ANO1: variants seen among roughly 807,000 people sequenced by gnomAD.
The protein encoded by ANO1 is anoctamin-1.
Under a neutral mutation model 124.0 loss-of-function variants are expected in ANO1, and 59 were observed. That is an observed-to-expected ratio of 0.48 (90% CI 0.39 to 0.59). The LOEUF is 0.59. Ranked by LOEUF, ANO1 falls within the 20% of genes least tolerant of loss-of-function variation. The probability of loss-of-function intolerance (pLI) is 0.00; values close to 1 mark genes in which losing one functional copy is unlikely to be tolerated. For missense variants in ANO1, 1,059 were observed against 1,328.0 expected (o/e 0.80, Z 3.15); for synonymous variants, 529 against 532.0 (o/e 0.99, Z 0.08).
At chr11:69,978,381 C>G in the ANO1 span, among the ~76,000 whole-genome samples, 1 of 152,126 alleles carries the variant, frequency 6.6e-6, no homozygotes, top group African/African-American at 2.4e-5. Flanking sequence ...ACAGGCCTCA[C>G]TCCCGGTAGT....
chr11:70,031,930 G>T (rs1348235191), intron 1 of ANO1, among the ~76,000 whole-genome samples: 1 of 152,124 alleles, frequency 6.6e-6, no homozygotes, highest in African/African-American at 2.4e-5. Flanking sequence ...GTGTGGCACC[G>T]GTCCCCTCAC....
At chr11:70,108,025 G>GT (rs1208575946) in intron 5 of ANO1, among the ~76,000 whole-genome samples, 4 of 152,238 alleles carry the variant, frequency 2.6e-5, no homozygotes, top group African/African-American at 9.6e-5. Flanking sequence ...TGGCACAGCT[G>GT]TGACACAGGA....
intron 1 of ANO1, among the ~76,000 whole-genome samples, 170 bp downstream of exon 1, chr11:70,078,884 G>C (rs1403461198): frequency 1.3e-5 from 2 of 150,972 alleles, no homozygotes; most frequent in South Asian, 2.1e-4. Context: ...AGGGCGCGCC[G>C]GCCCTGGCCA....
rs2049191356 is a variant in ANO1 at position 70,187,773 on chromosome 11, G to C, written c.2730G>C (p.Trp910Cys). ...LVMFMSDFVD[W>C]VIPDIPKDIS... is the part of the protein sequence containing the mutation. ...TGTTCATGAGCGACTTTGTGGACTG[G>C]GTCATCCCGGACATCCCCAAGGACA... The change falls in exon 26 of 26, where the codon TGG (tryptophan) becomes TGC (cysteine). Residue 910 changes from tryptophan (W) to cysteine (C), a missense_variant. Transcript: ENST00000355303. 1 of 1,609,370 alleles carries C rather than the reference G, an allele frequency of 6.2e-7. No individual in the cohort carries two copies. The highest frequency in any genetic ancestry group is 1.7e-5 in the Admixed American group (1 of 59,412).
the ANO1 span, among the ~76,000 whole-genome samples, chr11:69,970,198 C>T: frequency 6.6e-6 from 1 of 152,128 alleles, no homozygotes; most frequent in Non-Finnish European, 1.5e-5. Context: ...TTCTTTCTCC[C>T]GAGGAGACCC....
chr11:70,061,674 A>G (rs1297535374), intron 1 of ANO1, among the ~76,000 whole-genome samples: 1 of 152,044 alleles, frequency 6.6e-6, no homozygotes, highest in Non-Finnish European at 1.5e-5. Flanking sequence ...CAGCCTTTAT[A>G]GATGTTCTTG....
chr11:70,133,551 G>T, intron 11 of ANO1, among the ~76,000 whole-genome samples: 1 of 152,220 alleles, frequency 6.6e-6, no homozygotes, highest in East Asian at 1.9e-4. Flanking sequence ...TCTGGGGTCT[G>T]CATGCTCCTC....
chr11:69,984,488 C>T (rs915919436), upstream of ANO1, among the ~76,000 whole-genome samples: 2 of 146,828 alleles, frequency 1.4e-5, no homozygotes, highest in Non-Finnish European at 3.0e-5. Flanking sequence ...TGCCTCTCGT[C>T]TCCTTTTACA....
intron 1 of ANO1, among the ~76,000 whole-genome samples, chr11:70,025,406 G>A (rs1591041754): frequency 1.3e-5 from 2 of 152,078 alleles, no homozygotes; most frequent in African/African-American, 4.8e-5. Flanking sequence ...TGGTGGTGGT[G>A]ACAATGATGA....
chr11:70,029,891 T>A (rs1230266310), intron 1 of ANO1, among the ~76,000 whole-genome samples: 1 of 152,204 alleles, frequency 6.6e-6, no homozygotes, highest in Non-Finnish European at 1.5e-5. Flanking sequence ...CCTCTGTGTG[T>A]CTGTGTCCTG....
At chr11:70,016,807 T>C (rs1169329328) in intron 1 of ANO1, among the ~76,000 whole-genome samples, 6 of 152,188 alleles carry the variant, frequency 3.9e-5, no homozygotes, top group South Asian at 2.1e-4. Flanking sequence ...GCAAAGGAGA[T>C]AGGGAATCTG....
At chr11:70,131,464 A>C (rs1186497758) in intron 10 of ANO1, among the ~76,000 whole-genome samples, 2 of 152,104 alleles carry the variant, frequency 1.3e-5, no homozygotes, top group Non-Finnish European at 2.9e-5. Context: ...AGTAGCTGGG[A>C]TCACAGGCGC....
At chr11:69,972,799 T>G in the ANO1 span, among the ~76,000 whole-genome samples, 4 of 152,140 alleles carry the variant, frequency 2.6e-5, no homozygotes, top group Non-Finnish European at 4.4e-5. Flanking sequence ...CCCAGATGCC[T>G]GCAGATCTAC....
chr11:70,166,041 G>A (rs2048241643), intron 20 of ANO1, among the ~76,000 whole-genome samples: 1 of 152,134 alleles, frequency 6.6e-6, no homozygotes, highest in South Asian at 2.1e-4. Context: ...ACAGGGCCGC[G>A]CACAGTGGCT....
At chr11:70,134,681 G>A (rs568945764) in intron 11 of ANO1, among the ~76,000 whole-genome samples, 1 of 152,344 alleles carries the variant, frequency 6.6e-6, no homozygotes, top group African/African-American at 2.4e-5. Flanking sequence ...CCACCTGCAT[G>A]AGGATGTGCA....
At chr11:70,008,215 T>A (rs915178501) in intron 1 of ANO1, among the ~76,000 whole-genome samples, 6 of 152,238 alleles carry the variant, frequency 3.9e-5, no homozygotes, top group Non-Finnish European at 7.3e-5. Context: ...AATTGCCGTT[T>A]CACTCTGTTT....
chr11:70,175,651 A>G (rs1292128497), intron 22 of ANO1, among the ~76,000 whole-genome samples: 1 of 152,190 alleles, frequency 6.6e-6, no homozygotes, highest in East Asian at 1.9e-4. Context: ...TGCAGCCTCC[A>G]TTCAGCTCCC....
At chr11:70,156,776 T>C (rs1396863261) in intron 15 of ANO1, among the ~76,000 whole-genome samples, 171 bp from the exon 16 acceptor site, 1 of 152,230 alleles carries the variant, frequency 6.6e-6, no homozygotes, top group Non-Finnish European at 1.5e-5. Flanking sequence ...TGGAACCCTA[T>C]GCGTTTGCAC....
intron 1 of ANO1, among the ~76,000 whole-genome samples, chr11:70,050,943 A>T (rs1857341515): frequency 6.6e-6 from 1 of 152,216 alleles, no homozygotes; most frequent in African/African-American, 2.4e-5. Flanking sequence ...GCTGACCACC[A>T]GTGTCAGCAT....
Sources: gnomAD v4.1 joint callset for allele counts (sites outside exome capture counted in the v4.1 genomes callset) on GRCh38, gnomAD v4.1.1 for gene constraint, MANE v1.5 for transcripts, NCBI Gene and HGNC (gene_info 2026-07-23, HGNC 2026-07-21) for gene names.